DPYD: variants seen among roughly 807,000 people sequenced by gnomAD.
DPYD encodes the protein dihydropyrimidine dehydrogenase.
DPYD carries 109 observed loss-of-function variants against 116.2 expected under a neutral mutation model. That is an observed-to-expected ratio of 0.94 (90% CI 0.80 to 1.10). DPYD has a LOEUF of 1.10. Ranked by LOEUF, DPYD falls within the 50% of genes least tolerant of loss-of-function variation. The probability of loss-of-function intolerance (pLI) is 0.00; values close to 1 mark genes in which losing one functional copy is unlikely to be tolerated. For synonymous variants in DPYD, 440 were observed against 432.0 expected (o/e 1.02, Z -0.23); for missense variants, 1,302 against 1,254.5 (o/e 1.04, Z -0.57).
At chr1:97,513,974 G>C (rs542410493) in intron 13 of DPYD, among the ~76,000 whole-genome samples, 1 of 151,800 alleles carries the variant, frequency 6.6e-6, no homozygotes. Flanking sequence ...GCAGAAATAT[G>C]TTTAAAATAG....
chr1:97,130,774 TTCCTTTCC>T (rs1443401183), intron 20 of DPYD, among the ~76,000 whole-genome samples: 2 of 42,376 alleles, frequency 4.7e-5, no homozygotes, highest in Non-Finnish European at 1.0e-4. Flanking sequence ...CCTTCCTTCC[TTCCTTTCC>T]TTCCCTCCTT....
intron 18 of DPYD, chr1:97,295,681 G>A (rs1466402520): frequency 1.1e-5 from 9 of 804,342 alleles, no homozygotes; most frequent in African/African-American, 1.9e-5. Context: ...TCTGCCCGCC[G>A]CAGCTTCCCG....
intron 2 of DPYD, among the ~76,000 whole-genome samples, chr1:97,853,184 C>A (rs1670653256): frequency 1.3e-5 from 2 of 152,314 alleles, no homozygotes; most frequent in East Asian, 3.9e-4. Context: ...TGTTGCATAA[C>A]CCAGTGCTTG....
At chr1:97,323,420 A>ATACATATGTGTATATGTACACGTG (rs912870621) in intron 16 of DPYD, among the ~76,000 whole-genome samples, 1 of 72,584 alleles carries the variant, frequency 1.4e-5, no homozygotes, top group Non-Finnish European at 3.2e-5. Flanking sequence ...GTACACGTAT[A>ATACATATGTGTATATGTACACGTG]TATACATATG....
intron 14 of DPYD, among the ~76,000 whole-genome samples, chr1:97,397,525 C>T (rs1004752938): frequency 6.6e-6 from 1 of 151,984 alleles, no homozygotes; most frequent in African/African-American, 2.4e-5. Flanking sequence ...TTCATTCTTC[C>T]TCACCCCACC....
chr1:97,671,858 T>C, intron 8 of DPYD, among the ~76,000 whole-genome samples: 1 of 151,798 alleles, frequency 6.6e-6, no homozygotes, highest in Non-Finnish European at 1.5e-5. Flanking sequence ...TCATTATATA[T>C]GAACACAGAA....
At chr1:97,556,651 C>T (rs1317187922) in intron 11 of DPYD, among the ~76,000 whole-genome samples, 4 of 150,580 alleles carry the variant, frequency 2.7e-5, no homozygotes, top group East Asian at 3.9e-4. Context: ...TGATGATTTC[C>T]AATTTCATCC....
chr1:97,224,186 A>G (rs186891389), intron 19 of DPYD, among the ~76,000 whole-genome samples: 15 of 152,204 alleles, frequency 9.9e-5, no homozygotes, highest in South Asian at 8.3e-4. Context: ...TGAAGAACTT[A>G]TAAGAGCATT....
At chr1:97,769,068 A>C (rs1666015218) in intron 3 of DPYD, among the ~76,000 whole-genome samples, 1 of 152,200 alleles carries the variant, frequency 6.6e-6, no homozygotes, top group Admixed American at 6.5e-5. Flanking sequence ...CTAAGATATA[A>C]CTTATAAGAG....
intron 13 of DPYD, among the ~76,000 whole-genome samples, chr1:97,505,354 C>T (rs932440705): frequency 1.1e-4 from 16 of 152,080 alleles, no homozygotes; most frequent in African/African-American, 3.6e-4. Context: ...AGACATTATG[C>T]TGCATCTTAC....
intron 3 of DPYD, among the ~76,000 whole-genome samples, chr1:97,816,950 A>G (rs1668641221): frequency 6.6e-6 from 1 of 152,202 alleles, no homozygotes; most frequent in Non-Finnish European, 1.5e-5. Flanking sequence ...AGAAAATCAC[A>G]AATTCTTAAT....
chr1:97,835,593 C>G (rs1038734200), intron 2 of DPYD, among the ~76,000 whole-genome samples: 2 of 151,988 alleles, frequency 1.3e-5, no homozygotes, highest in African/African-American at 2.4e-5. Flanking sequence ...GAGAGGTCAA[C>G]AAAGTTCAGG....
intron 3 of DPYD, among the ~76,000 whole-genome samples, chr1:97,764,340 G>C (rs1271345719): frequency 6.6e-6 from 1 of 151,990 alleles, no homozygotes; most frequent in African/African-American, 2.4e-5. Flanking sequence ...CCAACACAGA[G>C]ATTTTTAATA....
intron 10 of DPYD, among the ~76,000 whole-genome samples, chr1:97,584,884 G>A (rs1454329306): frequency 1.3e-5 from 2 of 150,312 alleles, no homozygotes; most frequent in Admixed American, 6.6e-5. Context: ...CACCAACATG[G>A]CACATGTATA....
Position 97,123,985 on chromosome 1 carries a change from A to C in DPYD, c.2623-25353T>G, listed in dbSNP as rs145875321. The stretch of plus-strand genomic sequence containing the variant: ...ATATGGTCTGCCATTGTGAAGTTCT[A>C]TCTCTCTGCATTTTAAATCATGATG... On this transcript the variant is annotated intron_variant, in intron 20 of 22. Transcript: ENST00000370192. Among the ~76,000 whole-genome samples, 7 of 152,230 alleles carry C rather than the reference A, an allele frequency of 4.6e-5. No individual in the cohort carries two copies. The East Asian group carries it at 7.7e-4, about 17-fold the overall frequency.
At chr1:97,802,890 CACA>C (rs1667913159) in intron 3 of DPYD, among the ~76,000 whole-genome samples, 1 of 151,766 alleles carries the variant, frequency 6.6e-6, no homozygotes, top group African/African-American at 2.4e-5. Flanking sequence ...TCGTTTAATT[CACA>C]ACATCTTTTC....
intron 8 of DPYD, among the ~76,000 whole-genome samples, chr1:97,626,247 G>A (rs1411265460): frequency 6.6e-6 from 1 of 151,942 alleles, no homozygotes; most frequent in Non-Finnish European, 1.5e-5. Context: ...GGAAAAAAAT[G>A]TCTTAAGCTC....
chr1:97,793,375 A>G (rs1436681009), intron 3 of DPYD, among the ~76,000 whole-genome samples: 3 of 152,200 alleles, frequency 2.0e-5, no homozygotes, highest in Non-Finnish European at 4.4e-5. Flanking sequence ...TCTAAAATTC[A>G]TATGGAATTT....
rs1557938126 is a variant in DPYD, at chr1:97,206,660, AT to A, written c.2443-13413del. ...ATTTTATATATATATATATATATAT[AT>A]ATATATATATATATATATATATATA... On this transcript the variant is annotated intron_variant, in intron 19 of 22. Transcript: ENST00000370192. Among the ~76,000 whole-genome samples, 21 of 112,510 alleles carry A rather than the reference AT, an allele frequency of 1.9e-4. 1 individual carries two copies. In the East Asian group the frequency reaches 2.4e-3, roughly 13 times the overall value. 73.8% of individuals were successfully genotyped at this position (112,510 alleles called of 152,430 possible).
Sources: gnomAD v4.1 joint callset for allele counts (sites outside exome capture counted in the v4.1 genomes callset) on GRCh38, gnomAD v4.1.1 for gene constraint, MANE v1.5 for transcripts, NCBI Gene and HGNC (gene_info 2026-07-23, HGNC 2026-07-21) for gene names.